TBC1D19: variants seen among roughly 807,000 people sequenced by gnomAD.
TBC1D19 encodes TBC1 domain family, member 19.
Under a neutral mutation model 89.0 loss-of-function variants are expected in TBC1D19, and 60 were observed. The observed-to-expected ratio is 0.67, with a 90% CI of 0.55 to 0.84. The LOEUF is 0.84. Among genes scored for constraint, TBC1D19 ranks in the 40% least tolerant of loss-of-function variants. TBC1D19 has a pLI of 0.00. For missense variants in TBC1D19, 500 were observed against 610.8 expected (o/e 0.82, Z 1.91); for synonymous variants, 189 against 199.7 (o/e 0.95, Z 0.45).
intron 12 of TBC1D19, among the ~76,000 whole-genome samples, chr4:26,687,671 A>G (rs2109155677): frequency 6.6e-6 from 1 of 152,274 alleles, no homozygotes; most frequent in Non-Finnish European, 1.5e-5. Flanking sequence ...TTTAGGTGCT[A>G]AGCACTGTGG....
chr4:26,615,862 G>A (rs377147632), intron 3 of TBC1D19, among the ~76,000 whole-genome samples: 2 of 152,222 alleles, frequency 1.3e-5, no homozygotes, highest in East Asian at 3.9e-4. Context: ...ATGTACTAAA[G>A]GTGCCTGTTG....
At position 26,688,326 on chromosome 4, in the gene TBC1D19, T is replaced by C. The variant is rs1282488756; in HGVS notation, c.892-19T>C. ...GATCTGTTTGAGTTCTTTTCAGTAC[T>C]GTCTACTTTTAATTATAGGATGTGA... On this transcript the variant is annotated intron_variant, in intron 12 of 20. Transcript: ENST00000264866. 6.4e-7 allele frequency: 1 copy of C among 1,567,988 alleles called. No homozygotes were observed. Among genetic ancestry groups the C allele is most frequent in the South Asian group, 1.1e-5 (1 of 88,094 alleles).
intron 13 of TBC1D19, among the ~76,000 whole-genome samples, chr4:26,697,982 A>G (rs1011640260): frequency 9.8e-5 from 15 of 152,288 alleles, no homozygotes; most frequent in Admixed American, 8.5e-4. Context: ...CACCACTCCT[A>G]TTCAACATAG....
chr4:26,637,417 G>A (rs1560434651), intron 5 of TBC1D19, 132 bp downstream of exon 5: 2 of 687,874 alleles, frequency 2.9e-6, no homozygotes, highest in East Asian at 7.4e-5. Context: ...CTGTCACCCA[G>A]GCTGGAGTGC....
intron 16 of TBC1D19, among the ~76,000 whole-genome samples, chr4:26,739,424 T>G (rs547594771): frequency 3.9e-5 from 6 of 152,320 alleles, no homozygotes; most frequent in Admixed American, 3.9e-4. Flanking sequence ...ATCATCTGTT[T>G]TACTTACCTG....
chr4:26,787,600 A>C, the TBC1D19 span, among the ~76,000 whole-genome samples: 4 of 152,182 alleles, frequency 2.6e-5, no homozygotes, highest in African/African-American at 9.7e-5. Flanking sequence ...GGGGGCTCCC[A>C]GAGCCACAAG....
intron 13 of TBC1D19, among the ~76,000 whole-genome samples, chr4:26,700,056 AAG>A (rs1715187377): frequency 6.6e-6 from 1 of 152,056 alleles, no homozygotes; most frequent in South Asian, 2.1e-4. Flanking sequence ...AAGAAAAAAA[AAG>A]AAATTATGTC....
intron 7 of TBC1D19, among the ~76,000 whole-genome samples, chr4:26,651,462 T>C (rs1744372882): frequency 6.6e-6 from 1 of 152,230 alleles, no homozygotes. Context: ...CTAGGTATTT[T>C]ATTCTCTTTG....
chr4:26,764,659 A>G, the TBC1D19 span, among the ~76,000 whole-genome samples: 2 of 152,216 alleles, frequency 1.3e-5, no homozygotes, highest in Admixed American at 1.3e-4. Context: ...ATTCAACAGA[A>G]CAAAGAAGTT....
chr4:26,666,525 C>T (rs1361209877), intron 9 of TBC1D19, 120 bp downstream of exon 9: 4 of 722,116 alleles, frequency 5.5e-6, no homozygotes, highest in Non-Finnish European at 8.9e-6. Context: ...CATGCTTTTG[C>T]CTCTCCTTGG....
At chr4:26,757,018 TA>T (rs528741910), downstream of TBC1D19, among the ~76,000 whole-genome samples, 1 of 19,234 alleles carries the variant, frequency 5.2e-5, no homozygotes. Context: ...TTACCCATGC[TA>T]TTTTTTTTTT....
chr4:26,644,034 A>G (rs1191815874), intron 7 of TBC1D19, among the ~76,000 whole-genome samples: 1 of 152,232 alleles, frequency 6.6e-6, no homozygotes, highest in Non-Finnish European at 1.5e-5. Flanking sequence ...AAACTATTCC[A>G]ATCAATAGAA....
In TBC1D19 at chr4:26,640,197, A is replaced by G. The variant is rs1242365321; in HGVS notation, c.480+10A>G. 10 of 1,590,438 alleles carry G rather than the reference A, an allele frequency of 6.3e-6. No individual in the cohort carries two copies. Among genetic ancestry groups the G allele is most frequent in the African/African-American group, 1.3e-5 (1 of 74,360 alleles). ...TAAGGATTTTCTTGAGGTAGGTTCT[A>G]TTGGATAAATACACATATATTAATG... On this transcript the variant is annotated intron_variant, in intron 7 of 20. Transcript: ENST00000264866.
At chr4:26,577,896 C>T (rs1434735262) in intron 1 of TBC1D19, among the ~76,000 whole-genome samples, 1 of 152,194 alleles carries the variant, frequency 6.6e-6, no homozygotes, top group East Asian at 1.9e-4. Context: ...TTTTGGAATA[C>T]ATACATAGTT....
the TBC1D19 span, among the ~76,000 whole-genome samples, chr4:26,817,489 C>T: frequency 1.3e-5 from 2 of 152,050 alleles, no homozygotes; most frequent in Non-Finnish European, 2.9e-5. Context: ...ACTTTTTTTA[C>T]AACTCACTTT....
chr4:26,737,709 C>T (rs1285219573), intron 16 of TBC1D19, among the ~76,000 whole-genome samples: 14 of 152,038 alleles, frequency 9.2e-5, no homozygotes, highest in Admixed American at 8.5e-4. Context: ...TTATTTAGAA[C>T]CAGTGTACAA....
the TBC1D19 span, among the ~76,000 whole-genome samples, chr4:26,817,707 C>G: frequency 1.3e-5 from 2 of 152,078 alleles, no homozygotes; most frequent in Non-Finnish European, 2.9e-5. Flanking sequence ...GTGGCATACA[C>G]TTGTAATCCC....
At chr4:26,655,976 T>C (rs1014551428) in intron 7 of TBC1D19, among the ~76,000 whole-genome samples, 4 of 152,264 alleles carry the variant, frequency 2.6e-5, no homozygotes, top group Non-Finnish European at 4.4e-5. Context: ...CGCTGGGAGC[T>C]GTAGACTGGA....
chr4:26,588,620 C>T (rs933215623), intron 1 of TBC1D19, among the ~76,000 whole-genome samples: 1 of 152,002 alleles, frequency 6.6e-6, no homozygotes, highest in Non-Finnish European at 1.5e-5. Context: ...CATTTTCACC[C>T]AATTAAAATT....
Sources: allele counts gnomAD v4.1 joint callset (sites outside exome capture counted in the v4.1 genomes callset), GRCh38; gene constraint gnomAD v4.1.1; transcripts MANE v1.5; gene names NCBI Gene and HGNC (gene_info 2026-07-23, HGNC 2026-07-21).